AOPEP: variants seen among roughly 807,000 people sequenced by gnomAD.
AOPEP encodes aminopeptidase O (putative).
In AOPEP, 77 loss-of-function variants were observed where a neutral mutation model predicts 98.1. The ratio of observed to expected loss-of-function variants is 0.78; its 90% CI spans 0.65 to 0.95. The LOEUF (loss-of-function observed/expected upper bound fraction) is 0.95, where lower values mean the gene tolerates loss of function less well. AOPEP is among the 40% of genes least tolerant of loss of function. The probability of loss-of-function intolerance (pLI) is 0.00; values close to 1 mark genes in which losing one functional copy is unlikely to be tolerated. For synonymous variants in AOPEP, 346 were observed against 365.3 expected (o/e 0.95, Z 0.60); for missense variants, 1,024 against 1,024.7 (o/e 1.00, Z 0.01).
At chr9:94,966,408 G>A (rs1395892430) in intron 9 of AOPEP, among the ~76,000 whole-genome samples, 2 of 152,198 alleles carry the variant, frequency 1.3e-5, no homozygotes, top group African/African-American at 2.4e-5. Context: ...AGAGTCTTGT[G>A]TGGAGTCTGT....
chr9:94,749,570 G>A (rs1217874780), intron 1 of AOPEP, among the ~76,000 whole-genome samples: 1 of 151,846 alleles, frequency 6.6e-6, no homozygotes, highest in African/African-American at 2.4e-5. Context: ...TCTTTTTCAC[G>A]TTTTTCTGTT....
At chr9:94,956,953 T>G (rs12684072) in intron 9 of AOPEP, among the ~76,000 whole-genome samples, 9,598 of 152,272 alleles carry the variant, frequency 0.063, 883 homozygotes, top group African/African-American at 0.2. Context: ...ATTTTTGTAC[T>G]GGGTGTGGGG....
intron 4 of AOPEP, among the ~76,000 whole-genome samples, chr9:94,794,013 T>C (rs932571156): frequency 1.3e-5 from 2 of 152,176 alleles, no homozygotes; most frequent in African/African-American, 4.8e-5. Context: ...AGTCGCCGCT[T>C]TAGGAGCACA....
At chr9:94,815,504 G>A (rs1359066837) in intron 5 of AOPEP, among the ~76,000 whole-genome samples, 2 of 152,010 alleles carry the variant, frequency 1.3e-5, no homozygotes, top group East Asian at 1.9e-4. Context: ...TATGGGAGCC[G>A]CCGAGAACCT....
chr9:95,132,930 GCT>G, the AOPEP span, among the ~76,000 whole-genome samples: 1 of 152,136 alleles, frequency 6.6e-6, no homozygotes, highest in Non-Finnish European at 1.5e-5. Flanking sequence ...AATTAACAGT[GCT>G]CTATATAAAA....
intron 5 of AOPEP, among the ~76,000 whole-genome samples, chr9:94,847,187 G>GTCTC (rs147535375): frequency 7.4e-6 from 1 of 135,150 alleles, no homozygotes; most frequent in African/African-American, 2.6e-5. Flanking sequence ...CTCTGTCTCT[G>GTCTC]TCTCTCTCTC....
chr9:95,005,708 A>G, intron 13 of AOPEP, 92 bp downstream of exon 13: 1 of 1,009,874 alleles, frequency 9.9e-7, no homozygotes, highest in South Asian at 1.3e-5. Context: ...GTAGTGTTTA[A>G]TTTAAAAAGT....
the AOPEP span, among the ~76,000 whole-genome samples, chr9:95,137,857 C>T: frequency 3.3e-5 from 5 of 152,182 alleles, no homozygotes; most frequent in African/African-American, 1.2e-4. Context: ...GGCGAATGAA[C>T]CCTGAGTGTG....
At chr9:95,036,044 T>C (rs2064791752) in intron 13 of AOPEP, among the ~76,000 whole-genome samples, 1 of 152,164 alleles carries the variant, frequency 6.6e-6, no homozygotes, top group Admixed American at 6.5e-5. Context: ...ATAGAAGGGA[T>C]TATGCAAATA....
chr9:94,955,874 G>A, intron 8 of AOPEP, 34 bp from the exon 9 acceptor site: 3 of 1,445,122 alleles, frequency 2.1e-6, no homozygotes, highest in East Asian at 2.3e-5. Context: ...CTCATGGTAG[G>A]CCTCTTTTTC....
intron 5 of AOPEP, among the ~76,000 whole-genome samples, chr9:94,863,499 C>G (rs943739211): frequency 7.9e-5 from 12 of 152,054 alleles, no homozygotes; most frequent in Admixed American, 1.3e-4. Flanking sequence ...CTAGGCTGGT[C>G]TCAAACTCCT....
intron 5 of AOPEP, among the ~76,000 whole-genome samples, chr9:94,834,048 A>G (rs2041245308): frequency 6.6e-6 from 1 of 152,220 alleles, no homozygotes; most frequent in Admixed American, 6.5e-5. Context: ...CCGAGATCTG[A>G]TTACCAGCTT....
intron 5 of AOPEP, among the ~76,000 whole-genome samples, chr9:94,820,772 T>G (rs1852895068): frequency 6.6e-6 from 1 of 152,222 alleles, no homozygotes; most frequent in African/African-American, 2.4e-5. Context: ...TGGGGAAATC[T>G]TAAAAGCAGT....
chr9:94,964,635 CTTTTTTTTTTTT>C (rs1240777817), intron 9 of AOPEP, among the ~76,000 whole-genome samples: 1 of 122,626 alleles, frequency 8.2e-6, no homozygotes, highest in Admixed American at 8.3e-5. Context: ...AGTACTTGGA[CTTTTTTTTTTTT>C]TTTTTTTTTT....
the AOPEP span, among the ~76,000 whole-genome samples, chr9:95,116,270 G>C: frequency 6.6e-6 from 1 of 152,226 alleles, no homozygotes; most frequent in African/African-American, 2.4e-5. Flanking sequence ...CCCTGGGAGA[G>C]TGAATTCCTC....
chr9:94,939,675 C>G (rs768914236), intron 7 of AOPEP, among the ~76,000 whole-genome samples: 59 of 152,300 alleles, frequency 3.9e-4, no homozygotes, highest in Admixed American at 6.5e-4. Context: ...CCAGTCAAAA[C>G]TTTGTTTCAT....
chr9:94,728,175 C>T (rs1829650234), intron 1 of AOPEP, among the ~76,000 whole-genome samples: 2 of 151,758 alleles, frequency 1.3e-5, no homozygotes, highest in South Asian at 4.2e-4. Flanking sequence ...GTGTTAAGTT[C>T]CCATATTCCT....
the AOPEP span, chr9:95,110,480 A>G: frequency 1.6e-5 from 16 of 1,030,566 alleles, no homozygotes; most frequent in Non-Finnish European, 1.9e-5. Flanking sequence ...CTTTTTAATC[A>G]GACAGCAATC....
chr9:94,744,648 A>G (rs567958423), intron 1 of AOPEP, among the ~76,000 whole-genome samples: 1 of 150,176 alleles, frequency 6.7e-6, no homozygotes, highest in South Asian at 2.1e-4. Context: ...TTGCAGTGAG[A>G]CAAGATTGTG....
Sources: allele counts gnomAD v4.1 joint callset (sites outside exome capture counted in the v4.1 genomes callset), GRCh38; gene constraint gnomAD v4.1.1; transcripts MANE v1.5; gene names NCBI Gene and HGNC (gene_info 2026-07-23, HGNC 2026-07-21).